Variants in DIP2C observed in about 807,000 individuals in gnomAD.
DIP2C encodes disco-interacting protein 2 homolog C.
Under a neutral mutation model 192.4 loss-of-function variants are expected in DIP2C, and 33 were observed. The ratio of observed to expected loss-of-function variants is 0.17; its 90% confidence interval spans 0.13 to 0.23. The LOEUF (loss-of-function observed/expected upper bound fraction) is 0.23. Ranked by LOEUF, DIP2C falls within the 10% of genes least tolerant of loss-of-function variation. The pLI, the probability that DIP2C is intolerant of heterozygous loss-of-function variation, is 1.00. For synonymous variants in DIP2C, 979 were observed against 864.1 expected, an observed-to-expected ratio of 1.13 and a Z score of -2.33; for missense variants, 1,537 against 2,110.1, an observed-to-expected ratio of 0.73 and a Z score of 5.32.
chr10:430,552 AAGAG>A (rs1369123850), intron 4 of DIP2C: 4 of 152,194 alleles, frequency 2.6e-5, no homozygotes, highest in Non-Finnish European at 4.4e-5. Flanking sequence ...GTTGACTTTT[AAGAG>A]TTCCTTGTAT....
chr10:601,031 C>G (rs1588566112), intron 1 of DIP2C, among the ~76,000 whole-genome samples: 1 of 152,190 alleles, frequency 6.6e-6, no homozygotes, highest in Non-Finnish European at 1.5e-5. Flanking sequence ...GAGAAGGCTG[C>G]TCAGTCAATC....
At chr10:613,493 C>T (rs981163315) in intron 1 of DIP2C, among the ~76,000 whole-genome samples, 3 of 152,198 alleles carry the variant, frequency 2.0e-5, no homozygotes, top group Admixed American at 6.5e-5. Context: ...AAAACTGGTT[C>T]CACTGGTTTT....
chr10:567,228 G>A (rs1413739344), intron 1 of DIP2C, among the ~76,000 whole-genome samples: 2 of 151,922 alleles, frequency 1.3e-5, no homozygotes, highest in Non-Finnish European at 1.5e-5. Context: ...TCACTCTGTC[G>A]CCCAGACCAG....
At chr10:597,972 C>G (rs968688925) in intron 1 of DIP2C, among the ~76,000 whole-genome samples, 2 of 152,212 alleles carry the variant, frequency 1.3e-5, no homozygotes, top group Non-Finnish European at 2.9e-5. Context: ...CCACGGTTCC[C>G]TACCTGGACT....
chr10:496,972 AAGTT>A (rs1844880528), intron 1 of DIP2C, among the ~76,000 whole-genome samples: 1 of 152,176 alleles, frequency 6.6e-6, no homozygotes, highest in Non-Finnish European at 1.5e-5. Context: ...AAAATACAAA[AAGTT>A]AGCCAGGTGT....
intron 13 of DIP2C, 147 bp from the exon 14 acceptor site, chr10:387,956 C>T (rs1038043393): frequency 4.3e-6 from 4 of 926,164 alleles, no homozygotes; most frequent in Non-Finnish European, 6.8e-6. Flanking sequence ...ATTCTGTAGA[C>T]TCCAAGTAGG....
At chr10:377,424 A>G (rs891509736) in intron 17 of DIP2C, among the ~76,000 whole-genome samples, 1 of 152,248 alleles carries the variant, frequency 6.6e-6, no homozygotes, top group Non-Finnish European at 1.5e-5. Context: ...GTTGGGTGAA[A>G]TTAAACAGGA....
chr10:638,672 C>A (rs1323665448), intron 1 of DIP2C, among the ~76,000 whole-genome samples: 1 of 152,236 alleles, frequency 6.6e-6, no homozygotes, highest in Non-Finnish European at 1.5e-5. Context: ...CCCCTCTCCC[C>A]TTACCTCCCA....
intron 25 of DIP2C, 72 bp downstream of exon 25, chr10:349,259 T>G (rs1589568005): frequency 1.3e-6 from 2 of 1,555,332 alleles, no homozygotes; most frequent in Non-Finnish European, 1.7e-6. Flanking sequence ...CACCAGCGGG[T>G]GTAAGGGACC....
chr10:295,556 A>G (rs1048286582), intron 32 of DIP2C, among the ~76,000 whole-genome samples: 1 of 75,832 alleles, frequency 1.3e-5, no homozygotes, highest in African/African-American at 4.9e-5. Context: ...ACGAGACTCC[A>G]TCTCAAAAAA....
intron 1 of DIP2C, among the ~76,000 whole-genome samples, chr10:660,117 GA>G: frequency 6.6e-6 from 1 of 152,338 alleles, no homozygotes; most frequent in East Asian, 1.9e-4. Flanking sequence ...ATGAAACAGA[GA>G]TTCTAGCCCT....
chr10:486,364 T>A (rs1354842318), intron 2 of DIP2C, 95 bp downstream of exon 2: 2 of 1,237,724 alleles, frequency 1.6e-6, no homozygotes, highest in African/African-American at 1.5e-5. Context: ...TCCTGCCGAC[T>A]GGGAAGCAAG....
At chr10:502,700 C>T (rs530346415) in intron 1 of DIP2C, among the ~76,000 whole-genome samples, 3 of 152,170 alleles carry the variant, frequency 2.0e-5, no homozygotes, top group African/African-American at 7.2e-5. Context: ...GTATTTGGGA[C>T]CTAAATGTTA....
intron 17 of DIP2C, among the ~76,000 whole-genome samples, chr10:377,019 A>T (rs574161708): frequency 6.6e-6 from 1 of 152,146 alleles, no homozygotes; most frequent in Non-Finnish European, 1.5e-5. Flanking sequence ...ATTTAATGTA[A>T]TATTCTTCCT....
chr10:392,807 A>C (rs886931019), intron 10 of DIP2C, among the ~76,000 whole-genome samples: 1 of 146,724 alleles, frequency 6.8e-6, no homozygotes. Flanking sequence ...GCGGATGCGC[A>C]CACTCAGCGC....
At chr10:476,475 C>A (rs1382608853) in intron 2 of DIP2C, among the ~76,000 whole-genome samples, 1 of 152,212 alleles carries the variant, frequency 6.6e-6, no homozygotes, top group Non-Finnish European at 1.5e-5. Flanking sequence ...GCATTTGATG[C>A]GTCACTCATT....
At chr10:590,716 C>G (rs1936958928) in intron 1 of DIP2C, among the ~76,000 whole-genome samples, 1 of 152,182 alleles carries the variant, frequency 6.6e-6, no homozygotes, top group Admixed American at 6.5e-5. Context: ...CTTCACTTAC[C>G]TAGTGCTAGA....
chr10:587,350 G>A (rs1851123084), intron 1 of DIP2C, among the ~76,000 whole-genome samples: 1 of 152,262 alleles, frequency 6.6e-6, no homozygotes, highest in Non-Finnish European at 1.5e-5. Context: ...GTAAAACGCG[G>A]TGATAACCGT....
chr10:365,080 T>G (rs558094350), intron 19 of DIP2C: 7 of 500,086 alleles, frequency 1.4e-5, no homozygotes, highest in African/African-American at 1.4e-4. Context: ...ACCCTCTTTT[T>G]TCCTCCACCC....
Sources: allele counts gnomAD v4.1 joint callset (sites outside exome capture counted in the v4.1 genomes callset), GRCh38; gene constraint gnomAD v4.1.1; transcripts MANE v1.5; gene names NCBI Gene and HGNC (gene_info 2026-07-23, HGNC 2026-07-21).